Variants in RASGEF1A observed in about 807,000 individuals in gnomAD.
The protein encoded by RASGEF1A is RasGEF domain family member 1A, also known as ras-GEF domain-containing family member 1A.
Under a neutral mutation model 56.4 loss-of-function variants are expected in RASGEF1A, and 18 were observed. That is an observed-to-expected ratio of 0.32 (90% confidence interval 0.22 to 0.47). The LOEUF (loss-of-function observed/expected upper bound fraction) is 0.47. RASGEF1A is among the 20% of genes least tolerant of loss of function. The probability of loss-of-function intolerance (pLI) is 1.00; values close to 1 mark genes in which losing one functional copy is unlikely to be tolerated. For missense variants in RASGEF1A, 422 were observed against 627.1 expected (o/e 0.67, Z 3.49); for synonymous variants, 245 against 242.6 (o/e 1.01, Z -0.09).
At position 43,213,142 on chromosome 10, in the gene RASGEF1A, T is replaced by C. The variant is rs148395524; in HGVS notation, c.-6-7020A>G. Among the ~76,000 whole-genome samples the C allele has an allele frequency of 3.2e-3, 487 of 152,294 alleles. 4 individuals carry two copies. Among genetic ancestry groups the C allele is most frequent in the African/African-American group, 0.011 (449 of 41,552 alleles). On this transcript the variant is annotated intron_variant, in intron 1 of 12. Transcript: ENST00000395810. ...CAACCGGTACAGACTCACATTTAGATAGAAGAAATAACTTCTAATGTTCCA... is the reference window on the plus strand; with the variant it reads ...CAACCGGTACAGACTCACATTTAGACAGAAGAAATAACTTCTAATGTTCCA...
rs1252870162 is a variant in RASGEF1A, at chr10:43,202,966, C to T, written c.321+332G>A. Among the ~76,000 whole-genome samples the T allele has an allele frequency of 1.0e-4, 15 of 147,674 alleles. No homozygotes were observed. In the East Asian group the frequency reaches 3.1e-3, roughly 31 times the overall value. ...CTGACCCTGCCCCGAGACCCCACAG[C>T]CCCAGCCAGGCCACGCCCCAACCCT... On this transcript the variant is annotated intron_variant, in intron 3 of 12. Transcript: ENST00000395810.
chr10:43,228,714 CT>C (rs1287424585), intron 1 of RASGEF1A, among the ~76,000 whole-genome samples: 1 of 152,242 alleles, frequency 6.6e-6, no homozygotes, highest in African/African-American at 2.4e-5. Context: ...TTCTCTAGCC[CT>C]CAGCACCAGG....
chr10:43,254,939 C>A (rs1840671232), intron 1 of RASGEF1A, among the ~76,000 whole-genome samples: 1 of 152,052 alleles, frequency 6.6e-6, no homozygotes, highest in Non-Finnish European at 1.5e-5. Flanking sequence ...CCACTGGAGG[C>A]CCCTCTATCC....
At chr10:43,229,641 G>A (rs1005068894) in intron 1 of RASGEF1A, 12 of 1,494,268 alleles carry the variant, frequency 8.0e-6, no homozygotes, top group Admixed American at 4.3e-5. Context: ...CCCTACCTGG[G>A]GCTCCAGGAA....
At chr10:43,265,780 G>A (rs1291699151) in intron 1 of RASGEF1A, among the ~76,000 whole-genome samples, 1 of 152,250 alleles carries the variant, frequency 6.6e-6, no homozygotes, top group African/African-American at 2.4e-5. Flanking sequence ...CCAGGGCACC[G>A]AGGTGGACAG....
chr10:43,263,526 G>C (rs1479398526), intron 1 of RASGEF1A, among the ~76,000 whole-genome samples: 1 of 152,182 alleles, frequency 6.6e-6, no homozygotes, highest in African/African-American at 2.4e-5. Context: ...GGGCTGTTCT[G>C]TCTAGAGTCC....
At chr10:43,212,244 C>T (rs1020398556) in intron 1 of RASGEF1A, among the ~76,000 whole-genome samples, 2 of 152,232 alleles carry the variant, frequency 1.3e-5, no homozygotes, top group Admixed American at 1.3e-4. Context: ...CCCGGCATCT[C>T]TCCACTCGCT....
At chr10:43,203,852 C>A in intron 2 of RASGEF1A, 1 of 913,058 alleles carries the variant, frequency 1.1e-6, no homozygotes, top group Non-Finnish European at 1.3e-6. Flanking sequence ...GGGAGGTTGG[C>A]ACAGGAGCGG....
chr10:43,200,331 C>T, intron 5 of RASGEF1A, 75 bp from the exon 6 acceptor site: 2 of 1,344,150 alleles, frequency 1.5e-6, no homozygotes, highest in Non-Finnish European at 1.0e-6. Flanking sequence ...GGCATGCGGA[C>T]AGGGAGAGGA....
At position 43,194,935 on chromosome 10, in the gene RASGEF1A, T is replaced by C. The variant is rs1352507353; in HGVS notation, c.*1309A>G. ...CCTGCTCCACCCAGGACCAGAGGCA[T>C]GGGCAGCGGGCCCAGGGCTGCCTCC... On this transcript the variant is annotated 3_prime_UTR_variant, in exon 13 of 13. Transcript: ENST00000395810. 1 of 152,728 alleles carries C rather than the reference T, an allele frequency of 6.5e-6. No individual in the cohort carries two copies. The highest frequency in any genetic ancestry group is 1.5e-5 in the Non-Finnish European group (1 of 68,150). The allele number at this position is 152,728 out of a possible 1,614,324, so 9.5% of individuals were successfully genotyped here.
intron 1 of RASGEF1A, among the ~76,000 whole-genome samples, chr10:43,245,664 T>A (rs1840560207): frequency 1.3e-5 from 2 of 152,168 alleles, no homozygotes; most frequent in Non-Finnish European, 2.9e-5. Context: ...ATAGACCACA[T>A]AATCATCACA....
chr10:43,212,490 C>T lies in RASGEF1A; in HGVS notation c.-6-6368G>A, dbSNP rs147338115. Among the ~76,000 whole-genome samples, 712 of 152,286 alleles carry T rather than the reference C, an allele frequency of 4.7e-3. 2 individuals are homozygous for T. Among genetic ancestry groups the T allele is most frequent in the Middle Eastern group, 0.017 (5 of 294 alleles). ...GGGAGAGGCCAGGAGCCTGCATCCA[C>T]ATGTGGGCCAGGCCTCCCATTGGTG... is the stretch of plus-strand genomic sequence containing the variant. On this transcript the variant is annotated intron_variant, in intron 1 of 12. Transcript: ENST00000395810.
In RASGEF1A at chr10:43,239,436, GAA is replaced by G. The variant is rs991710273; in HGVS notation, c.-7+27407_-7+27408del. Among the ~76,000 whole-genome samples, 37 of 152,040 alleles carry G rather than the reference GAA, an allele frequency of 2.4e-4. 1 individual carries two copies. The highest frequency in any genetic ancestry group is 8.7e-4 in the African/African-American group (36 of 41,402). ...ACCCTCTCTTCCATAAACGCAACAA[GAA>G]AACCAGCAAAAAACAAAAAGGTCAG... On this transcript the variant is annotated intron_variant, in intron 1 of 12. Coordinates refer to ENST00000395810, the MANE Select transcript of RASGEF1A (RefSeq NM_145313.4).
At chr10:43,238,522 C>A (rs1298795125) in intron 1 of RASGEF1A, among the ~76,000 whole-genome samples, 1 of 152,204 alleles carries the variant, frequency 6.6e-6, no homozygotes, top group Non-Finnish European at 1.5e-5. Context: ...TTGTTCACTG[C>A]CCCAGCCCCA....
intron 1 of RASGEF1A, among the ~76,000 whole-genome samples, chr10:43,246,866 T>A (rs969980325): frequency 6.6e-6 from 1 of 152,228 alleles, no homozygotes; most frequent in African/African-American, 2.4e-5. Flanking sequence ...AGGCAATAGT[T>A]TCGTAAATAT....
intron 1 of RASGEF1A, among the ~76,000 whole-genome samples, chr10:43,246,460 C>T (rs1046419881): frequency 6.6e-6 from 1 of 152,072 alleles, no homozygotes; most frequent in Non-Finnish European, 1.5e-5. Flanking sequence ...CTGGAACAAC[C>T]AAAACAGTCT....
At chr10:43,202,586 G>T in intron 3 of RASGEF1A, 1 of 462,302 alleles carries the variant, frequency 2.2e-6, no homozygotes. Flanking sequence ...CCCCTCCTGC[G>T]CCAGCCAAGA....
At chr10:43,230,220 C>T (rs1009295749) in intron 1 of RASGEF1A, among the ~76,000 whole-genome samples, 2 of 152,246 alleles carry the variant, frequency 1.3e-5, no homozygotes, top group African/African-American at 2.4e-5. Flanking sequence ...CCTGACAGGG[C>T]GCTCACTCCA....
chr10:43,202,927 G>A (rs992179674), intron 3 of RASGEF1A, among the ~76,000 whole-genome samples: 6 of 106,010 alleles, frequency 5.7e-5, no homozygotes, highest in Admixed American at 3.5e-4. Context: ...GCCAGGCCAT[G>A]CCTAACCCTA....
Sources: allele counts gnomAD v4.1 joint callset (sites outside exome capture counted in the v4.1 genomes callset), GRCh38; gene constraint gnomAD v4.1.1; transcripts MANE v1.5; gene names NCBI Gene and HGNC (gene_info 2026-07-23, HGNC 2026-07-21).